SPIRE1: variants seen among roughly 807,000 people sequenced by gnomAD.
SPIRE1 encodes protein spire homolog 1.
Under a neutral mutation model 94.1 loss-of-function variants are expected in SPIRE1, and 40 were observed. That is an observed-to-expected ratio of 0.43 (90% confidence interval 0.33 to 0.55). The LOEUF (loss-of-function observed/expected upper bound fraction) is 0.55, where lower values mean the gene tolerates loss of function less well. SPIRE1 is among the 20% of genes least tolerant of loss of function. SPIRE1 has a pLI of 0.06. For missense variants in SPIRE1, 838 were observed against 975.2 expected (o/e 0.86, Z 1.87); for synonymous variants, 376 against 371.7 (o/e 1.01, Z -0.13).
Position 12,572,743 on chromosome 18 carries a change from A to G in SPIRE1, c.373-25839T>C, listed in dbSNP as rs538972708. 2.6e-5 allele frequency among the ~76,000 whole-genome samples: 4 copies of G among 152,388 alleles called. No individual in the cohort carries two copies. In the South Asian group the frequency reaches 8.3e-4, roughly 32 times the overall value. Reference sequence around the variant, plus strand: ...AAATGTACTCACAGAAATAGAGTCAACTGATATTTCACAAAGGAGCAAAAG... The same window carrying G: ...AAATGTACTCACAGAAATAGAGTCAGCTGATATTTCACAAAGGAGCAAAAG... On this transcript the variant is annotated intron_variant, in intron 2 of 16. Transcript: ENST00000409402.
chr18:12,521,586 A>G (rs1175778476), intron 4 of SPIRE1, among the ~76,000 whole-genome samples: 1 of 152,122 alleles, frequency 6.6e-6, no homozygotes, highest in Non-Finnish European at 1.5e-5. Flanking sequence ...TGCCCGCCTC[A>G]GCCTCCCAAA....
At chr18:12,506,662 G>C in intron 5 of SPIRE1, 21 bp from the exon 6 acceptor site, 1 of 1,611,570 alleles carries the variant, frequency 6.2e-7, no homozygotes, top group Non-Finnish European at 8.5e-7. Flanking sequence ...CAAGGATAGA[G>C]AGACATCAAT....
At chr18:12,456,550 G>C (rs543762549) in intron 12 of SPIRE1, among the ~76,000 whole-genome samples, 1 of 152,270 alleles carries the variant, frequency 6.6e-6, no homozygotes, top group African/African-American at 2.4e-5. Flanking sequence ...AACACTACTA[G>C]ATTTATTACG....
chr18:12,512,316 G>A, intron 5 of SPIRE1, 138 bp downstream of exon 5: 1 of 579,518 alleles, frequency 1.7e-6, no homozygotes, highest in Non-Finnish European at 3.0e-6. Context: ...GTACCCGGGA[G>A]GTGGGGGTTG....
chr18:12,610,612 G>GCTATTTAC lies in SPIRE1; in HGVS notation c.372+24449_372+24450insGTAAATAG, dbSNP rs1283959182. Among the ~76,000 whole-genome samples the GCTATTTAC allele has an allele frequency of 1.3e-4, 20 of 152,212 alleles. No individual in the cohort carries two copies. In the South Asian group the frequency reaches 4.2e-3, roughly 32 times the overall value. ...CCCACCTGCATTTGTATAGCTGAAT[G>GCTATTTAC]TGGCTAGAGTAAAACACAGAAAACT... is the stretch of plus-strand genomic sequence containing the variant. On this transcript the variant is annotated intron_variant, in intron 2 of 16. Transcript: ENST00000409402.
intron 2 of SPIRE1, among the ~76,000 whole-genome samples, chr18:12,625,176 C>T (rs1189265568): frequency 6.6e-6 from 1 of 152,100 alleles, no homozygotes; most frequent in Non-Finnish European, 1.5e-5. Flanking sequence ...CTACAATGAT[C>T]CCTCTGCCAA....
intron 2 of SPIRE1, among the ~76,000 whole-genome samples, chr18:12,580,485 G>A (rs1307022080): frequency 6.6e-6 from 1 of 151,944 alleles, no homozygotes; most frequent in Admixed American, 6.6e-5. Flanking sequence ...CACCATGCCC[G>A]GCTAATTTTT....
intron 4 of SPIRE1, among the ~76,000 whole-genome samples, chr18:12,524,532 G>C (rs888533378): frequency 6.6e-6 from 1 of 152,206 alleles, no homozygotes; most frequent in East Asian, 1.9e-4. Context: ...TCTGGGAAAT[G>C]AAAGATCAAA....
At position 12,612,643 on chromosome 18, in the gene SPIRE1, T is replaced by A. The variant is rs114447029; in HGVS notation, c.372+22419A>T. Among the ~76,000 whole-genome samples, 3 of 152,302 alleles carry A rather than the reference T, an allele frequency of 2.0e-5. No homozygotes were observed. In the East Asian group the frequency reaches 5.8e-4, roughly 29 times the overall value. On this transcript the variant is annotated intron_variant, in intron 2 of 16. Coordinates refer to ENST00000409402, the MANE Select transcript of SPIRE1 (RefSeq NM_001128626.2). ...AAATTTAACAAGATCTCTAGGAAAT[T>A]TGTATGCATATTAAAGTTTGAGAAG...
At chr18:12,524,405 A>C (rs989638060) in intron 4 of SPIRE1, among the ~76,000 whole-genome samples, 2 of 152,246 alleles carry the variant, frequency 1.3e-5, no homozygotes, top group Non-Finnish European at 2.9e-5. Context: ...GTAAGTGAGA[A>C]TCATTTAAAC....
chr18:12,560,670 G>A (rs1300174770), intron 2 of SPIRE1, among the ~76,000 whole-genome samples: 1 of 152,160 alleles, frequency 6.6e-6, no homozygotes, highest in Non-Finnish European at 1.5e-5. Flanking sequence ...AGCCAACGTG[G>A]TGAAACCCCA....
chr18:12,489,234 C>T (rs1212419766), intron 8 of SPIRE1, among the ~76,000 whole-genome samples: 1 of 152,036 alleles, frequency 6.6e-6, no homozygotes, highest in Non-Finnish European at 1.5e-5. Context: ...GAAAAGTTTT[C>T]TAAAAAGTAA....
chr18:12,620,101 C>G (rs1008894496), intron 2 of SPIRE1, among the ~76,000 whole-genome samples: 2 of 152,006 alleles, frequency 1.3e-5, no homozygotes, highest in Non-Finnish European at 2.9e-5. Flanking sequence ...ACACCTTGAG[C>G]CAGGAGTTCA....
At chr18:12,634,262 A>AT (rs1387814255) in intron 2 of SPIRE1, among the ~76,000 whole-genome samples, 1 of 12,700 alleles carries the variant, frequency 7.9e-5, no homozygotes, top group South Asian at 7.4e-3. Context: ...TAAAAATAAA[A>AT]AAAAAAAAAA....
intron 2 of SPIRE1, among the ~76,000 whole-genome samples, chr18:12,611,288 G>A (rs933755120): frequency 1.8e-4 from 28 of 152,142 alleles, no homozygotes; most frequent in African/African-American, 5.8e-4. Flanking sequence ...GTGTCCATGT[G>A]ATCAACAGAA....
intron 6 of SPIRE1, among the ~76,000 whole-genome samples, chr18:12,506,038 A>G (rs1234991821): frequency 6.6e-6 from 1 of 152,216 alleles, no homozygotes; most frequent in Non-Finnish European, 1.5e-5. Flanking sequence ...GTACTTTCCA[A>G]ATTTTCTACA....
chr18:12,567,042 C>T (rs1034666704), intron 2 of SPIRE1, among the ~76,000 whole-genome samples: 3 of 152,040 alleles, frequency 2.0e-5, no homozygotes, highest in African/African-American at 4.8e-5. Flanking sequence ...AAACTTAGTT[C>T]GCAGATGACA....
intron 2 of SPIRE1, among the ~76,000 whole-genome samples, chr18:12,576,625 C>T (rs1846566353): frequency 6.8e-6 from 1 of 148,112 alleles, no homozygotes; most frequent in East Asian, 2.0e-4. Context: ...CACAGTGGCT[C>T]ACGCCTGTAA....
chr18:12,510,083 TA>T (rs1240467564), intron 5 of SPIRE1, among the ~76,000 whole-genome samples: 2,021 of 124,920 alleles, frequency 0.016, 17 homozygotes, highest in Middle Eastern at 0.033. Context: ...AGACTCCATC[TA>T]AAAAAAAAAA....
Sources: gnomAD v4.1 joint callset for allele counts (sites outside exome capture counted in the v4.1 genomes callset) on GRCh38, gnomAD v4.1.1 for gene constraint, MANE v1.5 for transcripts, NCBI Gene and HGNC (gene_info 2026-07-23, HGNC 2026-07-21) for gene names.